Variants in GNAQ observed in about 807,000 individuals in gnomAD.
GNAQ encodes the protein guanine nucleotide-binding protein G(q) subunit alpha.
GNAQ carries 8 observed loss-of-function variants against 43.9 expected under a neutral mutation model. The observed-to-expected ratio is 0.18, with a 90% CI of 0.11 to 0.33. The LOEUF is 0.33. Ranked by LOEUF, GNAQ falls within the 10% of genes least tolerant of loss-of-function variation. The probability of loss-of-function intolerance (pLI) is 1.00; values close to 1 mark genes in which losing one functional copy is unlikely to be tolerated. For missense variants in GNAQ, 158 were observed against 450.8 expected, an observed-to-expected ratio of 0.35 and a Z score of 5.88; for synonymous variants, 155 against 170.7, an observed-to-expected ratio of 0.91 and a Z score of 0.71.
chr9:77,882,163 T>TA (rs1281916417), intron 2 of GNAQ, among the ~76,000 whole-genome samples: 4 of 150,566 alleles, frequency 2.7e-5, no homozygotes, highest in South Asian at 4.5e-4. Context: ...CACAAACAAA[T>TA]AAAAAAACAG....
intron 6 of GNAQ, among the ~76,000 whole-genome samples, chr9:77,728,004 C>CT (rs546463364): frequency 1.2e-4 from 18 of 148,676 alleles, no homozygotes; most frequent in South Asian, 8.6e-4. Flanking sequence ...AGTTTCTTTT[C>CT]TTTTTTTTTT....
Position 77,721,310 on chromosome 9 carries a change from C to T in GNAQ, c.*13G>A. The stretch of plus-strand genomic sequence containing the variant: ...CACCAGGGAAGGGCAGGGCGGGTGT[C>T]TAGGAGGCACAATTAGACCAGATTG... On this transcript the variant is annotated 3_prime_UTR_variant, in exon 7 of 7. Transcript: ENST00000286548. The T allele has an allele frequency of 1.3e-6, 2 of 1,582,060 alleles. No homozygotes were observed. The highest frequency in any genetic ancestry group is 1.7e-6 in the Non-Finnish European group (2 of 1,158,392).
Position 77,892,238 on chromosome 9 carries a change from T to TG in GNAQ, c.321+29922dup, listed in dbSNP as rs564824531. 1.6e-3 allele frequency among the ~76,000 whole-genome samples: 240 copies of TG among 152,354 alleles called. 1 individual carries two copies. The highest frequency in any genetic ancestry group is 5.6e-3 in the African/African-American group (234 of 41,590). The stretch of plus-strand genomic sequence containing the variant: ...GCCTCTCTCCCCTGCTTTGTCTTCA[T>TG]GGGGCTTTCCAGCCCTAGTGTGGAA... On this transcript the variant is annotated intron_variant, in intron 2 of 6. Transcript: ENST00000286548.
rs190410188 is a variant in GNAQ at position 77,895,510 on chromosome 9, G to A, written c.321+26651C>T. Among the ~76,000 whole-genome samples the A allele has an allele frequency of 2.4e-4, 36 of 152,248 alleles. No homozygotes were observed. In the East Asian group the frequency reaches 4.8e-3, roughly 20 times the overall value. On this transcript the variant is annotated intron_variant, in intron 2 of 6. Coordinates refer to ENST00000286548, the MANE Select transcript of GNAQ (RefSeq NM_002072.5). ...AGCCTCAGAGCTGAGGAGGGAGGTG[G>A]AGACACTCTAGAGAGAACCTTCTCT...
chr9:77,789,695 C>T (rs1826536771), intron 5 of GNAQ, among the ~76,000 whole-genome samples: 1 of 151,864 alleles, frequency 6.6e-6, no homozygotes, highest in Admixed American at 6.6e-5. Context: ...TACACTATTC[C>T]ACAATCGGCC....
chr9:77,821,166 T>C (rs1448335726), intron 2 of GNAQ, among the ~76,000 whole-genome samples: 1 of 152,200 alleles, frequency 6.6e-6, no homozygotes, highest in East Asian at 1.9e-4. Flanking sequence ...AGTTTGTTCT[T>C]CTATCATTAG....
chr9:77,789,436 A>G (rs1226503434), intron 5 of GNAQ, among the ~76,000 whole-genome samples: 1 of 152,152 alleles, frequency 6.6e-6, no homozygotes, highest in African/African-American at 2.4e-5. Flanking sequence ...AAAAATGGAC[A>G]AAGTTGGTAA....
intron 1 of GNAQ, among the ~76,000 whole-genome samples, chr9:77,957,365 CAAAAAA>C (rs578219305): frequency 6.6e-6 from 1 of 151,160 alleles, no homozygotes; most frequent in Non-Finnish European, 1.5e-5. Context: ...CAAAAAAAAA[CAAAAAA>C]ACAAAAACAA....
chr9:77,976,899 G>T (rs1823309761), intron 1 of GNAQ, among the ~76,000 whole-genome samples: 1 of 152,154 alleles, frequency 6.6e-6, no homozygotes, highest in Admixed American at 6.5e-5. Context: ...TAGTTGGCCA[G>T]AGGTCCCACC....
chr9:77,855,142 A>G (rs955543769), intron 2 of GNAQ, among the ~76,000 whole-genome samples: 2 of 152,208 alleles, frequency 1.3e-5, no homozygotes, highest in African/African-American at 4.8e-5. Context: ...GAATGGTCAG[A>G]TGACATCATA....
intron 2 of GNAQ, among the ~76,000 whole-genome samples, chr9:77,817,077 C>A (rs1254372753): frequency 6.6e-6 from 1 of 152,114 alleles, no homozygotes; most frequent in Non-Finnish European, 1.5e-5. Flanking sequence ...TGTACTGAGT[C>A]CCTGTGTAGG....
At chr9:77,984,992 A>G (rs747284693) in intron 1 of GNAQ, among the ~76,000 whole-genome samples, 3 of 152,156 alleles carry the variant, frequency 2.0e-5, no homozygotes, top group Non-Finnish European at 4.4e-5. Context: ...ATGGACATAC[A>G]CTAGTTCCCC....
chr9:77,805,320 T>C (rs1826810748), intron 3 of GNAQ, among the ~76,000 whole-genome samples: 2 of 152,326 alleles, frequency 1.3e-5, no homozygotes, highest in East Asian at 1.9e-4. Flanking sequence ...AACTTTCCTT[T>C]TTCCTTTTTG....
intron 1 of GNAQ, among the ~76,000 whole-genome samples, chr9:77,926,151 C>G (rs936874667): frequency 6.6e-6 from 1 of 152,150 alleles, no homozygotes; most frequent in East Asian, 1.9e-4. Context: ...TTGTTCCATA[C>G]AGTTCTATGA....
intron 1 of GNAQ, among the ~76,000 whole-genome samples, chr9:77,942,454 G>A (rs1829329566): frequency 6.6e-6 from 1 of 152,166 alleles, no homozygotes. Flanking sequence ...TGCTTTGTGA[G>A]TACTGTGATA....
chr9:77,984,803 CCT>C (rs965721502), intron 1 of GNAQ, among the ~76,000 whole-genome samples: 4 of 151,790 alleles, frequency 2.6e-5, no homozygotes, highest in Non-Finnish European at 5.9e-5. Flanking sequence ...AGAGAAACTC[CCT>C]GATTCACTTA....
At chr9:77,913,469 T>C (rs1416052872) in intron 2 of GNAQ, among the ~76,000 whole-genome samples, 3 of 152,132 alleles carry the variant, frequency 2.0e-5, no homozygotes, top group African/African-American at 7.2e-5. Context: ...CACAACTCAA[T>C]AGTCACATGC....
chr9:77,802,678 A>G (rs1203441228), intron 3 of GNAQ, among the ~76,000 whole-genome samples: 2 of 152,276 alleles, frequency 1.3e-5, no homozygotes, highest in East Asian at 3.9e-4. Context: ...GGGTGTTGCC[A>G]TGGTGCCAGG....
chr9:77,750,733 T>C (rs1825799476), intron 5 of GNAQ, among the ~76,000 whole-genome samples: 1 of 152,180 alleles, frequency 6.6e-6, no homozygotes, highest in Non-Finnish European at 1.5e-5. Context: ...TTAACCTCCC[T>C]GGGCTTTTCT....
Sources: allele counts gnomAD v4.1 joint callset (sites outside exome capture counted in the v4.1 genomes callset), GRCh38; gene constraint gnomAD v4.1.1; transcripts MANE v1.5; gene names NCBI Gene and HGNC (gene_info 2026-07-23, HGNC 2026-07-21).